Variants in TRAPPC9 observed in about 807,000 individuals in gnomAD.
TRAPPC9 encodes the protein trafficking protein particle complex subunit 9.
TRAPPC9 carries 83 observed loss-of-function variants against 124.0 expected under a neutral mutation model. That is an observed-to-expected ratio of 0.67 (90% CI 0.56 to 0.80). The LOEUF (loss-of-function observed/expected upper bound fraction) is 0.80, where lower values mean the gene tolerates loss of function less well. Ranked by LOEUF, TRAPPC9 falls within the 30% of genes least tolerant of loss-of-function variation. The pLI is 0.00. For missense variants in TRAPPC9, 1,302 were observed against 1,508.3 expected (o/e 0.86, Z 2.27); for synonymous variants, 638 against 617.5 (o/e 1.03, Z -0.49).
chr8:139,947,231 TA>T (rs1241508730), intron 19 of TRAPPC9, among the ~76,000 whole-genome samples: 1 of 152,180 alleles, frequency 6.6e-6, no homozygotes, highest in African/African-American at 2.4e-5. Flanking sequence ...CTGCTATAAA[TA>T]TTCTCACACT....
At chr8:139,987,282 C>T (rs974864303) in intron 19 of TRAPPC9, among the ~76,000 whole-genome samples, 4 of 152,118 alleles carry the variant, frequency 2.6e-5, no homozygotes, top group African/African-American at 9.7e-5. Context: ...AATAGCTGGG[C>T]AAAGGGTAAG....
At chr8:139,737,537 T>C (rs1818281475) in intron 21 of TRAPPC9, among the ~76,000 whole-genome samples, 1 of 135,986 alleles carries the variant, frequency 7.4e-6, no homozygotes, top group South Asian at 2.4e-4. Context: ...CCCACTGTTC[T>C]CTGGGGCTGG....
Position 140,243,015 on chromosome 8 carries a change from G to A in TRAPPC9, c.2431+9762C>T, listed in dbSNP as rs138845346. 3.0e-3 allele frequency among the ~76,000 whole-genome samples: 450 copies of A among 152,302 alleles called. 4 individuals carry two copies. The highest frequency in any genetic ancestry group is 9.9e-3 in the African/African-American group (411 of 41,564). ...GTTTAGAAGAGGATTTGGGCATATC[G>A]GCTGAGGGACTGGTACAAAACTGCT... On this transcript the variant is annotated intron_variant, in intron 16 of 22. Coordinates refer to ENST00000438773, the MANE Select transcript of TRAPPC9 (RefSeq NM_001160372.4).
chr8:140,038,054 T>A (rs915124754), intron 17 of TRAPPC9, among the ~76,000 whole-genome samples: 1 of 150,476 alleles, frequency 6.6e-6, no homozygotes, highest in African/African-American at 2.4e-5. Flanking sequence ...TAAGAAACTC[T>A]CTCTGGTACT....
chr8:139,874,611 G>C (rs144341987), intron 21 of TRAPPC9, among the ~76,000 whole-genome samples: 1 of 152,222 alleles, frequency 6.6e-6, no homozygotes, highest in South Asian at 2.1e-4. Context: ...GAAGGCCTGG[G>C]GGGAGCATGG....
intron 8 of TRAPPC9, among the ~76,000 whole-genome samples, chr8:140,370,674 C>A (rs1459135624): frequency 6.6e-6 from 1 of 152,176 alleles, no homozygotes. Flanking sequence ...GAGTAAAATT[C>A]ATTAGGTACT....
At chr8:140,178,562 G>A (rs973544580) in intron 17 of TRAPPC9, among the ~76,000 whole-genome samples, 7 of 151,974 alleles carry the variant, frequency 4.6e-5, no homozygotes, top group Non-Finnish European at 1.0e-4. Flanking sequence ...TTGCATACAT[G>A]CTCAAGATGG....
intron 17 of TRAPPC9, among the ~76,000 whole-genome samples, chr8:140,033,157 T>C (rs1259818495): frequency 6.6e-6 from 1 of 152,156 alleles, no homozygotes. Flanking sequence ...ACAGAGACAG[T>C]TTTGCTTCTT....
Position 140,271,588 on chromosome 8 carries a change from G to A in TRAPPC9, c.2278+4070C>T, listed in dbSNP as rs536028629. Reference sequence around the variant, plus strand: ...GAAGACAACCAATGGGGGAAAAAAGGGCAAAGTCCTCATACAAAAGAGGAT... The same window carrying A: ...GAAGACAACCAATGGGGGAAAAAAGAGCAAAGTCCTCATACAAAAGAGGAT... On this transcript the variant is annotated intron_variant, in intron 15 of 22. Transcript: ENST00000438773. 4.6e-5 allele frequency among the ~76,000 whole-genome samples: 7 copies of A among 152,244 alleles called. No individual in the cohort carries two copies. In the South Asian group the frequency reaches 8.3e-4, roughly 18 times the overall value.
At chr8:139,873,491 T>A (rs1419094199) in intron 21 of TRAPPC9, among the ~76,000 whole-genome samples, 1 of 152,158 alleles carries the variant, frequency 6.6e-6, no homozygotes, top group Non-Finnish European at 1.5e-5. Context: ...AACTGCTCCC[T>A]GCACTTGCTC....
chr8:139,809,367 G>A (rs1586893867), intron 21 of TRAPPC9, among the ~76,000 whole-genome samples: 1 of 152,094 alleles, frequency 6.6e-6, no homozygotes, highest in East Asian at 1.9e-4. Flanking sequence ...GGCTGACAGT[G>A]CTGGAGAGGG....
chr8:140,370,082 A>G (rs13256219), intron 8 of TRAPPC9, among the ~76,000 whole-genome samples: 76,093 of 151,980 alleles, frequency 0.5, 19,561 homozygotes, highest in African/African-American at 0.61. Flanking sequence ...GGCTTGAACT[A>G]AAGAAAAAGT....
intron 21 of TRAPPC9, among the ~76,000 whole-genome samples, chr8:139,861,034 T>C (rs1828106704): frequency 6.6e-6 from 1 of 152,252 alleles, no homozygotes. Context: ...CCCTTCTATA[T>C]TTTCTGTCAG....
intron 21 of TRAPPC9, among the ~76,000 whole-genome samples, chr8:139,808,203 A>G (rs2130729368): frequency 6.6e-6 from 1 of 152,364 alleles, no homozygotes; most frequent in South Asian, 2.1e-4. Context: ...TCACGCCTAT[A>G]ATCCCAGCAC....
intron 17 of TRAPPC9, among the ~76,000 whole-genome samples, chr8:140,172,361 A>G (rs1484747522): frequency 3.3e-5 from 5 of 150,850 alleles, no homozygotes; most frequent in Non-Finnish European, 7.4e-5. Context: ...ACCTCTGGAC[A>G]ATGGAGGGGG....
chr8:140,354,484 A>C (rs2067680676), intron 9 of TRAPPC9, among the ~76,000 whole-genome samples: 1 of 152,168 alleles, frequency 6.6e-6, no homozygotes, highest in Non-Finnish European at 1.5e-5. Context: ...TACTTGCCCT[A>C]ATAACGTATC....
intron 18 of TRAPPC9, among the ~76,000 whole-genome samples, chr8:139,989,296 G>T (rs548931386): frequency 7.1e-5 from 9 of 126,366 alleles, no homozygotes; most frequent in African/African-American, 2.3e-4. Context: ...GCGTGGTGAC[G>T]CATGTCCTGC....
upstream of TRAPPC9, chr8:140,458,333 G>C (rs955171264): frequency 2.5e-6 from 4 of 1,580,816 alleles, no homozygotes; most frequent in Non-Finnish European, 8.6e-7. Flanking sequence ...AAGCTCAGGG[G>C]TGGAGGCCCC....
chr8:140,060,687 G>T (rs1458192715), intron 17 of TRAPPC9, among the ~76,000 whole-genome samples: 1 of 151,662 alleles, frequency 6.6e-6, no homozygotes, highest in Non-Finnish European at 1.5e-5. Context: ...CCACAGTGCT[G>T]TGCTGGGTGG....
Sources: allele counts gnomAD v4.1 joint callset (sites outside exome capture counted in the v4.1 genomes callset), GRCh38; gene constraint gnomAD v4.1.1; transcripts MANE v1.5; gene names NCBI Gene and HGNC (gene_info 2026-07-23, HGNC 2026-07-21).